Variants in ALCAM observed in about 807,000 individuals in gnomAD.
ALCAM encodes the protein activated leukocyte cell adhesion molecule, also known as CD166 antigen.
Under a neutral mutation model 70.9 loss-of-function variants are expected in ALCAM, and 30 were observed. That is an observed-to-expected ratio of 0.42 (90% CI 0.32 to 0.57). The LOEUF is 0.57. Ranked by LOEUF, ALCAM falls within the 20% of genes least tolerant of loss-of-function variation. The probability of loss-of-function intolerance (pLI) is 0.11; values close to 1 mark genes in which losing one functional copy is unlikely to be tolerated. For missense variants in ALCAM, 591 were observed against 695.1 expected (o/e 0.85, Z 1.68); for synonymous variants, 249 against 242.5 (o/e 1.03, Z -0.25).
At chr3:105,437,694 G>T (rs1422050493) in intron 1 of ALCAM, among the ~76,000 whole-genome samples, 1 of 145,578 alleles carries the variant, frequency 6.9e-6, no homozygotes, top group Non-Finnish European at 1.5e-5. Flanking sequence ...TCCTCCAAAG[G>T]AAGAAAAAGA....
chr3:105,498,825 T>C (rs1468969777), intron 1 of ALCAM, among the ~76,000 whole-genome samples: 1 of 152,190 alleles, frequency 6.6e-6, no homozygotes, highest in African/African-American at 2.4e-5. Flanking sequence ...TAAATTCCCA[T>C]TGTCTTATGG....
At chr3:105,469,223 T>G (rs1335806107) in intron 1 of ALCAM, among the ~76,000 whole-genome samples, 1 of 151,324 alleles carries the variant, frequency 6.6e-6, no homozygotes, top group Non-Finnish European at 1.5e-5. Flanking sequence ...TTCAATACTT[T>G]GTGACCACTG....
intron 1 of ALCAM, among the ~76,000 whole-genome samples, chr3:105,448,762 G>T (rs2152589466): frequency 6.6e-6 from 1 of 152,256 alleles, no homozygotes; most frequent in African/African-American, 2.4e-5. Context: ...TGCTCCTCCA[G>T]TCTGGCAGGG....
intron 1 of ALCAM, among the ~76,000 whole-genome samples, chr3:105,368,223 AAGAGAG>A (rs5851454): frequency 0.018 from 1,226 of 67,800 alleles, 22 homozygotes; most frequent in African/African-American, 0.053. Context: ...TGAGTCTTGG[AAGAGAG>A]AGAGAGAGAG....
chr3:105,472,391 A>G (rs1461520656), intron 1 of ALCAM, among the ~76,000 whole-genome samples: 1 of 151,542 alleles, frequency 6.6e-6, no homozygotes, highest in Admixed American at 6.6e-5. Flanking sequence ...TAAGTCTTTT[A>G]GGGCTTGACA....
chr3:105,527,356 A>G (rs573733961), intron 3 of ALCAM, among the ~76,000 whole-genome samples: 1 of 152,248 alleles, frequency 6.6e-6, no homozygotes, highest in East Asian at 1.9e-4. Context: ...AACTTACTTT[A>G]TGAGATCTGC....
At chr3:105,380,356 A>G (rs912964095) in intron 1 of ALCAM, among the ~76,000 whole-genome samples, 1 of 151,864 alleles carries the variant, frequency 6.6e-6, no homozygotes, top group African/African-American at 2.4e-5. Context: ...AAAAATTTAA[A>G]TGGTTTCAAT....
chr3:105,564,294 T>G (rs952031830), intron 14 of ALCAM, among the ~76,000 whole-genome samples: 2 of 152,068 alleles, frequency 1.3e-5, no homozygotes, highest in African/African-American at 4.8e-5. Flanking sequence ...TATTTCCCTT[T>G]CAGGTATTTT....
chr3:105,528,100 C>G (rs936356245), intron 3 of ALCAM, among the ~76,000 whole-genome samples: 2 of 152,114 alleles, frequency 1.3e-5, no homozygotes, highest in Admixed American at 1.3e-4. Flanking sequence ...TCAACACGAC[C>G]ATTTGCATCT....
chr3:105,398,970 C>G (rs1414397238), intron 1 of ALCAM, among the ~76,000 whole-genome samples: 1 of 150,106 alleles, frequency 6.7e-6, no homozygotes, highest in Non-Finnish European at 1.5e-5. Context: ...TTGTTCTACT[C>G]TCATCTCTTT....
intron 1 of ALCAM, among the ~76,000 whole-genome samples, chr3:105,475,893 T>C (rs1318640156): frequency 6.6e-6 from 1 of 151,922 alleles, no homozygotes; most frequent in Non-Finnish European, 1.5e-5. Context: ...CCAACTCTTC[T>C]ATCACCTTCT....
intron 1 of ALCAM, among the ~76,000 whole-genome samples, chr3:105,488,655 A>AGGAAGGGGAAG (rs200085460): frequency 2.1e-5 from 3 of 145,508 alleles, no homozygotes; most frequent in East Asian, 4.4e-4. Flanking sequence ...AAAGGATGGA[A>AGGAAGGGGAAG]GGAAGGGGAA....
intron 1 of ALCAM, among the ~76,000 whole-genome samples, chr3:105,416,671 A>C (rs1313368446): frequency 6.6e-6 from 1 of 152,014 alleles, no homozygotes; most frequent in Non-Finnish European, 1.5e-5. Flanking sequence ...CTGAATTATC[A>C]TTGACACATC....
At position 105,410,263 on chromosome 3, in the gene ALCAM, A is replaced by G. The variant is rs74711990; in HGVS notation, c.73+42782A>G. ...AATATGGGTCACCCAGAATTAGCAC[A>G]ATGGGAAAGGCAGGTTGGCTAGGCC... On this transcript the variant is annotated intron_variant, in intron 1 of 15. Coordinates refer to ENST00000306107, the MANE Select transcript of ALCAM (RefSeq NM_001627.4). Among the ~76,000 whole-genome samples the G allele has an allele frequency of 1.9e-4, 29 of 152,168 alleles. No individual in the cohort carries two copies. The East Asian group carries it at 5.4e-3, about 29-fold the overall frequency.
At chr3:105,437,640 T>A (rs1487690878) in intron 1 of ALCAM, among the ~76,000 whole-genome samples, 1 of 152,084 alleles carries the variant, frequency 6.6e-6, no homozygotes, top group East Asian at 1.9e-4. Flanking sequence ...ACATATATCA[T>A]CTTTCTAGGA....
intron 1 of ALCAM, among the ~76,000 whole-genome samples, chr3:105,409,567 G>A (rs1936335382): frequency 6.6e-6 from 1 of 152,030 alleles, no homozygotes; most frequent in African/African-American, 2.4e-5. Flanking sequence ...AAAGGCTGGG[G>A]AATGGCAAGG....
intron 1 of ALCAM, among the ~76,000 whole-genome samples, chr3:105,497,995 C>A (rs1376735951): frequency 6.7e-6 from 1 of 149,488 alleles, no homozygotes; most frequent in Non-Finnish European, 1.5e-5. Flanking sequence ...CACACCACTG[C>A]ACTCAAGCCT....
At chr3:105,393,219 C>T (rs1220095179) in intron 1 of ALCAM, among the ~76,000 whole-genome samples, 2 of 151,546 alleles carry the variant, frequency 1.3e-5, no homozygotes. Flanking sequence ...AGTTAAATCA[C>T]ATTTAAGATG....
chr3:105,491,412 G>C (rs1466356191), intron 1 of ALCAM, among the ~76,000 whole-genome samples: 1 of 152,152 alleles, frequency 6.6e-6, no homozygotes, highest in Admixed American at 6.5e-5. Flanking sequence ...TCTACAGCTG[G>C]CATGAATTTC....
Sources: allele counts gnomAD v4.1 joint callset (sites outside exome capture counted in the v4.1 genomes callset), GRCh38; gene constraint gnomAD v4.1.1; transcripts MANE v1.5; gene names NCBI Gene and HGNC (gene_info 2026-07-23, HGNC 2026-07-21).